The following PTPRE variants were observed in gnomAD, a reference collection of about 807,000 sequenced individuals.
PTPRE encodes receptor-type tyrosine-protein phosphatase epsilon.
A neutral mutation model predicts 102.0 loss-of-function variants in PTPRE; 51 were observed. That is an observed-to-expected ratio of 0.50 (90% CI 0.40 to 0.63). PTPRE has a LOEUF of 0.63. PTPRE is among the 30% of genes least tolerant of loss of function. The probability of loss-of-function intolerance (pLI) is 0.00; values close to 1 mark genes in which losing one functional copy is unlikely to be tolerated. For synonymous variants in PTPRE, 345 were observed against 348.2 expected (o/e 0.99, Z 0.10); for missense variants, 752 against 915.1 (o/e 0.82, Z 2.30).
intron 1 of PTPRE, among the ~76,000 whole-genome samples, chr10:127,941,681 T>C (rs143542055): frequency 7.9e-4 from 121 of 152,364 alleles, no homozygotes; most frequent in Non-Finnish European, 1.4e-3. Context: ...CCTTGATTGA[T>C]AAAAGAAATA....
At chr10:128,016,585 G>A (rs971400780) in intron 2 of PTPRE, among the ~76,000 whole-genome samples, 1 of 151,930 alleles carries the variant, frequency 6.6e-6, no homozygotes, top group Non-Finnish European at 1.5e-5. Flanking sequence ...CCAGGCTGAC[G>A]GCGGTGAGCA....
intron 2 of PTPRE, among the ~76,000 whole-genome samples, chr10:128,004,172 G>A (rs1199128643): frequency 6.6e-6 from 1 of 151,328 alleles, no homozygotes. Flanking sequence ...CTACCCTTAT[G>A]ATCATCTTTC....
rs199816020 is a variant in PTPRE, at chr10:128,079,613, G to A, written c.1946G>A (p.Arg649Gln). ...ATAGCCCTCAGCAACATTTTGGAGCGAGTAAAAGCCGAGGGACTTTTAGAT... is the reference window on the plus strand; with the variant it reads ...ATAGCCCTCAGCAACATTTTGGAGCAAGTAAAAGCCGAGGGACTTTTAGAT... ...TFIALSNILE[R>Q]VKAEGLLDVF... The change falls in exon 20 of 21, where the codon CGA becomes CAA. Residue 649 changes from arginine (R) to glutamine (Q), a missense_variant. By Grantham distance (43) the Arg-to-Gln change is conservative. Around this residue, in one of 2 missense-constraint regions of PTPRE, gnomAD observed 636 missense variants for 824.4 expected, o/e 0.77. Transcript: ENST00000254667. The A allele has an allele frequency of 1.5e-4, 241 of 1,614,164 alleles. No individual in the cohort carries two copies. The highest frequency in any genetic ancestry group is 1.8e-4 in the Non-Finnish European group (207 of 1,180,016).
chr10:128,077,591 G>A (rs371685533), intron 18 of PTPRE, 26 bp from the exon 19 acceptor site: 17 of 1,584,534 alleles, frequency 1.1e-5, no homozygotes, highest in Middle Eastern at 1.9e-4. Flanking sequence ...GGCAGGCGAC[G>A]CTGAGACCCC....
intron 3 of PTPRE, among the ~76,000 whole-genome samples, chr10:128,044,758 G>T (rs573255086): frequency 6.6e-6 from 1 of 152,146 alleles, no homozygotes; most frequent in Non-Finnish European, 1.5e-5. Context: ...ACTGTGACAG[G>T]AATTTCTTCT....
chr10:128,047,658 A>T (rs1278749471), intron 4 of PTPRE, 106 bp from the exon 5 acceptor site: 16 of 1,614,054 alleles, frequency 9.9e-6, no homozygotes, highest in Non-Finnish European at 1.3e-5. Flanking sequence ...CATGAGCAAC[A>T]GGAGTAGCTT....
intron 1 of PTPRE, among the ~76,000 whole-genome samples, chr10:127,954,009 G>A (rs1473580689): frequency 6.6e-6 from 1 of 152,246 alleles, no homozygotes; most frequent in East Asian, 1.9e-4. Context: ...TGGATAGACT[G>A]CTCTGAGCTG....
In PTPRE at chr10:128,012,937, A is replaced by G. The variant is rs1463274542; in HGVS notation, c.-7-27938A>G. The stretch of plus-strand genomic sequence containing the variant: ...CAGTAAATATTTGTTAAACAAATAA[A>G]CACATTTCTATTACTGGCTCTTGGT... On this transcript the variant is annotated intron_variant, in intron 2 of 20. Transcript: ENST00000254667. 2.0e-5 allele frequency among the ~76,000 whole-genome samples: 3 copies of G among 152,332 alleles called. No homozygotes were observed. The East Asian group carries it at 5.8e-4, about 29-fold the overall frequency.
chr10:127,920,017 C>A (rs1231011243), intron 1 of PTPRE, among the ~76,000 whole-genome samples: 1 of 152,032 alleles, frequency 6.6e-6, no homozygotes, highest in African/African-American at 2.4e-5. Context: ...TTGGAGCAGC[C>A]AGGCTCGGCG....
At chr10:127,940,236 A>T (rs918060250) in intron 1 of PTPRE, among the ~76,000 whole-genome samples, 23 of 152,226 alleles carry the variant, frequency 1.5e-4, no homozygotes, top group African/African-American at 5.5e-4. Context: ...CTCTCTCTAA[A>T]CACTCTGCTC....
chr10:128,032,694 C>T (rs1321110361), intron 2 of PTPRE, among the ~76,000 whole-genome samples: 2 of 152,194 alleles, frequency 1.3e-5, no homozygotes, highest in Non-Finnish European at 2.9e-5. Context: ...AGTTGAGCTG[C>T]GGCCCACACC....
chr10:127,977,012 T>G (rs925859785), intron 1 of PTPRE, among the ~76,000 whole-genome samples: 1 of 152,070 alleles, frequency 6.6e-6, no homozygotes, highest in Non-Finnish European at 1.5e-5. Context: ...AGTGATGAGG[T>G]CTCTGTTATT....
chr10:128,053,619 G>A (rs981933977), intron 6 of PTPRE, among the ~76,000 whole-genome samples: 1 of 152,216 alleles, frequency 6.6e-6, no homozygotes, highest in Non-Finnish European at 1.5e-5. Flanking sequence ...GACCCTCTGT[G>A]CATCTGGGTG....
At chr10:128,001,502 G>A (rs1409665322) in intron 2 of PTPRE, among the ~76,000 whole-genome samples, 1 of 152,148 alleles carries the variant, frequency 6.6e-6, no homozygotes, top group Non-Finnish European at 1.5e-5. Flanking sequence ...CCCCGGAATT[G>A]CTTCTTCGGG....
At chr10:127,971,984 G>A (rs1401983254) in intron 1 of PTPRE, among the ~76,000 whole-genome samples, 1 of 152,226 alleles carries the variant, frequency 6.6e-6, no homozygotes, top group African/African-American at 2.4e-5. Flanking sequence ...AAGCCCAGCA[G>A]AAACTTTTCT....
At chr10:128,021,493 G>A (rs1220947374) in intron 2 of PTPRE, among the ~76,000 whole-genome samples, 1 of 152,212 alleles carries the variant, frequency 6.6e-6, no homozygotes. Flanking sequence ...TCAGCATCCA[G>A]GCCCTCGGGG....
chr10:127,944,912 G>A lies in PTPRE; in HGVS notation c.-30-37362G>A, dbSNP rs1818470477. Among the ~76,000 whole-genome samples the A allele has an allele frequency of 1.3e-5, 2 of 152,178 alleles. No homozygotes were observed. The highest frequency in any genetic ancestry group is 4.1e-4 in the South Asian group (2 of 4,828). ...AGTGACTGTTCTTTAGATGTGTGGG[G>A]AAAAAGAGGGCGGCATCTAGAGTGA... is the stretch of plus-strand genomic sequence containing the variant. On this transcript the variant is annotated intron_variant, in intron 1 of 20. Transcript: ENST00000254667. The surrounding 1 kb of genome is among the most constrained non-coding windows in gnomAD (Gnocchi z 4.2).
chr10:128,025,158 CA>C (rs71472683), intron 2 of PTPRE, among the ~76,000 whole-genome samples: 1,196 of 65,720 alleles, frequency 0.018, 5 homozygotes, highest in African/African-American at 0.066. Flanking sequence ...GATCCTGTCT[CA>C]AAAAAAAAAA....
intron 2 of PTPRE, among the ~76,000 whole-genome samples, chr10:128,006,763 C>T (rs575277068): frequency 6.6e-6 from 1 of 152,284 alleles, no homozygotes; most frequent in African/African-American, 2.4e-5. Flanking sequence ...GCCTTTCCTG[C>T]ACCCCAGAGA....
Sources: gnomAD v4.1 joint callset for allele counts (sites outside exome capture counted in the v4.1 genomes callset) on GRCh38, gnomAD v4.1.1 for gene constraint, gnomAD v4.1.1 regional missense constraint, Gnocchi (gnomAD v3.1) non-coding constraint, MANE v1.5 for transcripts, NCBI Gene and HGNC (gene_info 2026-07-23, HGNC 2026-07-21) for gene names.